The following FTCDNL1 variants were observed in gnomAD, a reference collection of about 807,000 sequenced individuals.
The protein encoded by FTCDNL1 is formiminotransferase N-terminal subdomain-containing protein.
In FTCDNL1, 11 loss-of-function variants were observed where a neutral mutation model predicts 5.9. That is an observed-to-expected ratio of 1.87 (90% confidence interval 1.18 to 3.10). The LOEUF (loss-of-function observed/expected upper bound fraction) is 3.10, where lower values mean the gene tolerates loss of function less well. Among genes scored for constraint, FTCDNL1 ranks in the 30% most tolerant of loss-of-function variants. The probability of loss-of-function intolerance (pLI) is 0.00; values close to 1 mark genes in which losing one functional copy is unlikely to be tolerated. For missense variants in FTCDNL1, 115 were observed against 65.5 expected (o/e 1.76, Z -2.61); for synonymous variants, 58 against 24.8 (o/e 2.34, Z -3.99).
the FTCDNL1 span, among the ~76,000 whole-genome samples, chr2:199,717,756 G>A: frequency 6.6e-6 from 1 of 151,398 alleles, no homozygotes; most frequent in African/African-American, 2.4e-5. Context: ...TATTCCAGGA[G>A]GCATGTTCAC....
chr2:199,813,017 C>T (rs1045557079), intron 4 of FTCDNL1, among the ~76,000 whole-genome samples: 5 of 152,102 alleles, frequency 3.3e-5, no homozygotes, highest in African/African-American at 1.2e-4. Context: ...GATGTAAACT[C>T]TTTATGCCAG....
At chr2:199,731,622 C>A in the FTCDNL1 span, among the ~76,000 whole-genome samples, 1 of 152,210 alleles carries the variant, frequency 6.6e-6, no homozygotes, top group East Asian at 1.9e-4. Flanking sequence ...GAAAAATCCC[C>A]TCACGCCTGT....
chr2:199,768,725 AGGCCTACCAGG>A (rs1165298749), intron 3 of FTCDNL1, among the ~76,000 whole-genome samples: 1 of 152,198 alleles, frequency 6.6e-6, no homozygotes, highest in Non-Finnish European at 1.5e-5. Context: ...GGAGCATTGG[AGGCCTACCAGG>A]GTGAGTTCTC....
At chr2:199,686,464 T>C in the FTCDNL1 span, among the ~76,000 whole-genome samples, 1 of 152,196 alleles carries the variant, frequency 6.6e-6, no homozygotes, top group African/African-American at 2.4e-5. Flanking sequence ...CATCATTCCA[T>C]AGGTTCAGTT....
chr2:199,842,051 G>A (rs547194009), intron 3 of FTCDNL1, among the ~76,000 whole-genome samples: 1 of 151,930 alleles, frequency 6.6e-6, no homozygotes, highest in African/African-American at 2.4e-5. Context: ...TTGAGGTCAG[G>A]AGTTCAAGAC....
intron 3 of FTCDNL1, among the ~76,000 whole-genome samples, chr2:199,837,453 T>G (rs971173174): frequency 1.3e-5 from 2 of 152,228 alleles, no homozygotes; most frequent in African/African-American, 2.4e-5. Context: ...TTGACTGATC[T>G]CAACCAAATC....
the FTCDNL1 span, among the ~76,000 whole-genome samples, chr2:199,671,542 T>C: frequency 6.6e-6 from 1 of 152,162 alleles, no homozygotes; most frequent in African/African-American, 2.4e-5. Context: ...ACCTGAAGTT[T>C]GACAATATGC....
At chr2:199,833,887 A>G (rs17628965) in intron 3 of FTCDNL1, among the ~76,000 whole-genome samples, 8,486 of 151,182 alleles carry the variant, frequency 0.056, 541 homozygotes, top group Admixed American at 0.14. Context: ...CCCTTCTCCA[A>G]CCTCTTTCAA....
chr2:199,715,515 G>A, the FTCDNL1 span, among the ~76,000 whole-genome samples: 104 of 152,312 alleles, frequency 6.8e-4, no homozygotes, highest in Non-Finnish European at 1.3e-3. Context: ...ACTTTCTGCT[G>A]TGATTGTGAG....
chr2:199,666,412 A>G, the FTCDNL1 span, among the ~76,000 whole-genome samples: 1 of 152,214 alleles, frequency 6.6e-6, no homozygotes, highest in Non-Finnish European at 1.5e-5. Context: ...CAAGGACTCA[A>G]TTAATGGTAC....
intron 3 of FTCDNL1, among the ~76,000 whole-genome samples, chr2:199,796,512 C>T (rs1050721019): frequency 2.6e-5 from 4 of 152,120 alleles, no homozygotes; most frequent in Non-Finnish European, 5.9e-5. Context: ...TATTGAATTA[C>T]AATTAAGAGA....
At chr2:199,791,334 AT>A (rs1408694702) in intron 3 of FTCDNL1, among the ~76,000 whole-genome samples, 1 of 152,196 alleles carries the variant, frequency 6.6e-6, no homozygotes, top group Non-Finnish European at 1.5e-5. Flanking sequence ...AAAAAGTAAC[AT>A]TTTACTTGAA....
intron 3 of FTCDNL1, among the ~76,000 whole-genome samples, chr2:199,773,258 C>T (rs191406932): frequency 7.4e-4 from 112 of 152,296 alleles, no homozygotes; most frequent in Non-Finnish European, 8.2e-4. Context: ...TATATCCCAA[C>T]TATACGTATA....
intron 3 of FTCDNL1, among the ~76,000 whole-genome samples, chr2:199,835,382 TA>T (rs1702660368): frequency 6.6e-6 from 1 of 152,210 alleles, no homozygotes; most frequent in South Asian, 2.1e-4. Context: ...TCAACCTATG[TA>T]ACTTTAATAG....
the FTCDNL1 span, among the ~76,000 whole-genome samples, chr2:199,669,827 C>T: frequency 3.3e-5 from 5 of 152,064 alleles, no homozygotes; most frequent in Non-Finnish European, 7.4e-5. Context: ...GTCACTCTTC[C>T]AGATGTTATC....
chr2:199,760,770 C>G (rs1193037580), exon 4 of FTCDNL1: 1 of 702,216 alleles, frequency 1.4e-6, no homozygotes, highest in Non-Finnish European at 2.6e-6. Context: ...TTGCTCTGCC[C>G]TCCTCTGGTT....
At chr2:199,726,776 G>T in the FTCDNL1 span, among the ~76,000 whole-genome samples, 540 of 152,284 alleles carry the variant, frequency 3.5e-3, 3 homozygotes, top group African/African-American at 0.012. Flanking sequence ...TGGCTTCCTT[G>T]TCCTTCCTGT....
At chr2:199,705,817 T>A in the FTCDNL1 span, among the ~76,000 whole-genome samples, 2 of 152,164 alleles carry the variant, frequency 1.3e-5, no homozygotes, top group African/African-American at 4.8e-5. Context: ...CTTGGGGAAA[T>A]ACCTGTGAAG....
intron 2 of FTCDNL1, among the ~76,000 whole-genome samples, chr2:199,846,867 T>G (rs1003434921): frequency 6.6e-6 from 1 of 152,060 alleles, no homozygotes; most frequent in Non-Finnish European, 1.5e-5. Flanking sequence ...TTCTTAAAAG[T>G]CCCCCTTAAG....
Sources: allele counts gnomAD v4.1 joint callset (sites outside exome capture counted in the v4.1 genomes callset), GRCh38; gene constraint gnomAD v4.1.1; transcripts MANE v1.5; gene names NCBI Gene and HGNC (gene_info 2026-07-23, HGNC 2026-07-21).